EEF2KMT: variants seen among roughly 807,000 people sequenced by gnomAD.
EEF2KMT encodes the protein protein-lysine N-methyltransferase EEF2KMT.
EEF2KMT carries 30 observed loss-of-function variants against 35.1 expected under a neutral mutation model. The observed-to-expected ratio is 0.85, with a 90% confidence interval of 0.64 to 1.16. EEF2KMT has a LOEUF of 1.16. Ranked by LOEUF, EEF2KMT falls within the 50% of genes most tolerant of loss-of-function variation. The probability of loss-of-function intolerance (pLI) is 0.00; values close to 1 mark genes in which losing one functional copy is unlikely to be tolerated. For missense variants in EEF2KMT, 499 were observed against 438.2 expected (o/e 1.14, Z -1.24); for synonymous variants, 190 against 187.7 (o/e 1.01, Z -0.10).
rs756064652 is a variant in EEF2KMT, at chr16:5,090,378, C to T, written c.477-29G>A. 25 of 1,611,928 alleles carry T rather than the reference C, an allele frequency of 1.6e-5. No homozygotes were observed. The highest frequency in any genetic ancestry group is 5.5e-5 in the South Asian group (5 of 90,998). On this transcript the variant is annotated intron_variant, in intron 5 of 7. Coordinates refer to ENST00000427587, the MANE Select transcript of EEF2KMT (RefSeq NM_201400.4). The surrounding 1 kb of genome is among the most constrained non-coding windows in gnomAD (Gnocchi z 4.1). Reference sequence around the variant, plus strand: ...GCGGGAGGAAAGGGGACCGTGTCTGCGACTGCACCAGGGTAAGCCTGCCTC... The same window carrying T: ...GCGGGAGGAAAGGGGACCGTGTCTGTGACTGCACCAGGGTAAGCCTGCCTC...
In EEF2KMT at chr16:5,097,628, T is replaced by A; in HGVS notation, c.96+16A>T. The A allele has an allele frequency of 6.5e-7, 1 of 1,546,908 alleles. No homozygotes were observed. The highest frequency in any genetic ancestry group is 8.7e-7 in the Non-Finnish European group (1 of 1,152,842). On this transcript the variant is annotated intron_variant, in intron 1 of 7. Coordinates refer to ENST00000427587, the MANE Select transcript of EEF2KMT (RefSeq NM_201400.4). Reference sequence around the variant, plus strand: ...CCGCGAGCCCCGCGGGCCTCTCCGCTCGCCCCGCCGCCCACCTGCCAGGGG... The same window carrying A: ...CCGCGAGCCCCGCGGGCCTCTCCGCACGCCCCGCCGCCCACCTGCCAGGGG...
At chr16:5,095,837 C>CTGAGAT (rs574414039) in intron 1 of EEF2KMT, among the ~76,000 whole-genome samples, 1 of 55,054 alleles carries the variant, frequency 1.8e-5, no homozygotes, top group African/African-American at 5.6e-5. Flanking sequence ...GGCTTGCCAT[C>CTGAGAT]TAAGTGGAGA....
Position 5,090,487 on chromosome 16 carries a change from C to T in EEF2KMT, c.421G>A (p.Ala141Thr), listed in dbSNP as rs200021489. The change falls in exon 5 of 8, where the codon GCC becomes ACC. Residue 141 changes from alanine to threonine, a missense_variant. By Grantham distance (58) the Ala-to-Thr change is moderately conservative. Transcript: ENST00000427587. The surrounding 1 kb of genome is among the most constrained non-coding windows in gnomAD (Gnocchi z 4.1). ...YGTTGLVTWD[A>T]ALYLAEWAIE... The stretch of plus-strand genomic sequence containing the variant: ...GCCCATTCTGCAAGGTAGAGGGCGG[C>T]GTCCCATGTGACCAGGCCTGTGGTA... The T allele has an allele frequency of 5.0e-6, 8 of 1,611,832 alleles. No homozygotes were observed. The highest frequency in any genetic ancestry group is 1.7e-5 in the Admixed American group (1 of 60,000).
intron 4 of EEF2KMT, among the ~76,000 whole-genome samples, chr16:5,091,202 C>G (rs142715320): frequency 0.019 from 2,885 of 152,326 alleles, 101 homozygotes; most frequent in African/African-American, 0.065. Context: ...CTGCCTCAGC[C>G]TCCCTAGTAG....
intron 3 of EEF2KMT, among the ~76,000 whole-genome samples, 171 bp downstream of exon 3, chr16:5,093,313 C>A (rs757750840): frequency 6.6e-6 from 1 of 152,246 alleles, no homozygotes; most frequent in South Asian, 2.1e-4. Context: ...TCCCCTTCTT[C>A]CCGCCCTGCA....
rs555146326 is a variant in EEF2KMT at position 5,097,785 on chromosome 16, C to G, written c.-46G>C. 47 of 1,526,908 alleles carry G rather than the reference C, an allele frequency of 3.1e-5. No individual in the cohort carries two copies. Among genetic ancestry groups the G allele is most frequent in the Admixed American group, 7.9e-5 (4 of 50,536 alleles). 94.6% of individuals were successfully genotyped at this position (1,526,908 alleles called of 1,614,324 possible). A position where few individuals can be genotyped will look rare whatever the true frequency, so the allele number is the denominator to read the frequency against. ...GTTGCCGGCAGACCGGGCGGAAGCC[C>G]GGCCTGGACTGAAGAGGGGGCGGGC... On this transcript the variant is annotated 5_prime_UTR_variant, in exon 1 of 8. Transcript: ENST00000427587.
At chr16:5,087,690 C>T (rs1957228250) in intron 7 of EEF2KMT, among the ~76,000 whole-genome samples, 2 of 149,982 alleles carry the variant, frequency 1.3e-5, no homozygotes, top group Admixed American at 6.7e-5. Flanking sequence ...CCCAGCTACT[C>T]AGGAGGCTGA....
In EEF2KMT at chr16:5,085,820, C is replaced by T. The variant is rs997651522; in HGVS notation, c.893-88G>A. 55 of 1,050,528 alleles carry T rather than the reference C, an allele frequency of 5.2e-5. No homozygotes were observed. In the African/African-American group the frequency reaches 6.3e-4, roughly 12 times the overall value. 65.1% of individuals were successfully genotyped at this position (1,050,528 alleles called of 1,614,324 possible). ...TGTGGGGCTGCTAGGACAGGCCTGG[C>T]GGGGTAGGGGGGTGTCCAAGTCAGT... On this transcript the variant is annotated intron_variant, in intron 7 of 7. Coordinates refer to ENST00000427587, the MANE Select transcript of EEF2KMT (RefSeq NM_201400.4).
At chr16:5,085,910 G>T (rs1957147244) in intron 7 of EEF2KMT, among the ~76,000 whole-genome samples, 178 bp from the exon 8 acceptor site, 1 of 152,222 alleles carries the variant, frequency 6.6e-6, no homozygotes, top group Non-Finnish European at 1.5e-5. Context: ...GATGGGACCA[G>T]AAAGCTGGTT....
Position 5,090,991 on chromosome 16 carries a change from T to G in EEF2KMT, c.343-426A>C, listed in dbSNP as rs1432047057. 6.6e-6 allele frequency among the ~76,000 whole-genome samples: 1 copy of G among 152,208 alleles called. No homozygotes were observed. Among genetic ancestry groups the G allele is most frequent in the Non-Finnish European group, 1.5e-5 (1 of 68,036 alleles). On this transcript the variant is annotated intron_variant, in intron 4 of 7. Coordinates refer to ENST00000427587, the MANE Select transcript of EEF2KMT (RefSeq NM_201400.4). The surrounding 1 kb of genome is among the most constrained non-coding windows in gnomAD (Gnocchi z 4.1). Reference sequence around the variant, plus strand: ...AGTCAGTGGCACGATCTTGGCTCACTGCAACCTCTGCCTCCTGGGTTCAAG... The same window carrying G: ...AGTCAGTGGCACGATCTTGGCTCACGGCAACCTCTGCCTCCTGGGTTCAAG...
intron 7 of EEF2KMT, chr16:5,086,624 G>A (rs192902200): frequency 2.0e-5 from 3 of 151,734 alleles, no homozygotes; most frequent in Admixed American, 1.3e-4. Context: ...ATTTTGTAGA[G>A]ATGGGGTCCT....
rs2142761796 is a variant in EEF2KMT, at chr16:5,090,126, G to A, written c.700C>T (p.His234Tyr). 2 of 1,609,316 alleles carry A rather than the reference G, an allele frequency of 1.2e-6. No homozygotes were observed. The highest frequency in any genetic ancestry group is 4.5e-5 in the East Asian group (2 of 44,882). The change falls in exon 6 of 8, where the codon CAT becomes TAT. Residue 234 changes from histidine (H) to tyrosine (Y), a missense_variant. By Grantham distance (83) the His-to-Tyr change is moderately conservative. Transcript: ENST00000427587. The surrounding 1 kb of genome is among the most constrained non-coding windows in gnomAD (Gnocchi z 4.1). ...AQLDWDVATV[H>Y]QLSAFQPDVV... ...TCTGGCTGGAAGGCAGAGAGCTGAT[G>A]GACCGTCGCGACGTCCCAGTCCAGC...
In EEF2KMT at chr16:5,090,262, G is replaced by C; in HGVS notation, c.564C>G (p.Asp188Glu). 6.2e-7 allele frequency: 1 copy of C among 1,612,074 alleles called. No individual in the cohort carries two copies. Among genetic ancestry groups the C allele is most frequent in the Non-Finnish European group, 8.5e-7 (1 of 1,179,854 alleles). Residue 188 changes from aspartate (D) to glutamate (E), a missense_variant, in exon 6 of 8, where the codon GAC becomes GAG. Coordinates refer to ENST00000427587, the MANE Select transcript of EEF2KMT (RefSeq NM_201400.4). The surrounding 1 kb of genome is among the most constrained non-coding windows in gnomAD (Gnocchi z 4.1). ...MCRPRAYIFS[D>E]CHSRVLEQLR... ...GCTGCTCAAGGACCCGGCTGTGACA[G>C]TCGCTGAAGATGTATGCCCGGGGGC...
At chr16:5,095,619 G>T (rs1055024483) in intron 1 of EEF2KMT, 105 bp from the exon 2 acceptor site, 32 of 1,558,180 alleles carry the variant, frequency 2.1e-5, no homozygotes, top group Non-Finnish European at 2.7e-5. Flanking sequence ...CCCTGGGGAC[G>T]TGGAGCCAGT....
rs999228998 is a variant in EEF2KMT at position 5,085,332 on chromosome 16, A to G, written c.*300T>C. On this transcript the variant is annotated 3_prime_UTR_variant, in exon 8 of 8. Coordinates refer to ENST00000427587, the MANE Select transcript of EEF2KMT (RefSeq NM_201400.4). Reference sequence around the variant, plus strand: ...GAACTGAGTGTGTCCACGTTGGGGGAACATCATACTTGATACACACGTTTT... The same window carrying G: ...GAACTGAGTGTGTCCACGTTGGGGGGACATCATACTTGATACACACGTTTT... 4.0e-6 allele frequency: 2 copies of G among 499,450 alleles called. No homozygotes were observed. Among genetic ancestry groups the G allele is most frequent in the Non-Finnish European group, 7.3e-6 (2 of 273,148 alleles). 30.9% of individuals were successfully genotyped at this position (499,450 alleles called of 1,614,324 possible).
chr16:5,089,898 G>A (rs933494640), intron 6 of EEF2KMT, among the ~76,000 whole-genome samples, 186 bp downstream of exon 6: 1 of 152,224 alleles, frequency 6.6e-6, no homozygotes, highest in Non-Finnish European at 1.5e-5. Context: ...AGAGGGCTGT[G>A]GGTTGAAGGT....
At position 5,084,722 on chromosome 16, in the gene EEF2KMT, G is replaced by T. The variant is rs17146164; in HGVS notation, c.*910C>A. On this transcript the variant is annotated 3_prime_UTR_variant, in exon 8 of 8. Coordinates refer to ENST00000427587, the MANE Select transcript of EEF2KMT (RefSeq NM_201400.4). ...GGATGGGGTGGGGACAGGCAATGAG[G>T]TAAGCTCTGCTCTTTATTTTTTTGC... 4 of 1,596,416 alleles carry T rather than the reference G, an allele frequency of 2.5e-6. No homozygotes were observed. The South Asian group carries it at 4.4e-5, about 18-fold the overall frequency.
intron 3 of EEF2KMT, 126 bp from the exon 4 acceptor site, chr16:5,092,021 T>A: frequency 6.6e-7 from 1 of 1,517,654 alleles, no homozygotes. Context: ...AGCTGCCATA[T>A]AAAATATTCA....
chr16:5,097,292 C>G (rs1343067321), intron 1 of EEF2KMT: 3 of 1,340,004 alleles, frequency 2.2e-6, no homozygotes, highest in East Asian at 4.4e-5. Context: ...GCGGTCCTGA[C>G]GGCGCTGACT....
Sources: gnomAD v4.1 joint callset for allele counts (sites outside exome capture counted in the v4.1 genomes callset) on GRCh38, gnomAD v4.1.1 for gene constraint, Gnocchi (gnomAD v3.1) non-coding constraint, MANE v1.5 for transcripts, NCBI Gene and HGNC (gene_info 2026-07-23, HGNC 2026-07-21) for gene names.